The following SOCS7 variants were observed in gnomAD, a reference collection of about 807,000 sequenced individuals.
The protein encoded by SOCS7 is NAP-4.
SOCS7 carries 18 observed loss-of-function variants against 58.9 expected under a neutral mutation model. The ratio of observed to expected loss-of-function variants is 0.31; its 90% CI spans 0.21 to 0.45. SOCS7 has a LOEUF of 0.45. Ranked by LOEUF, SOCS7 falls within the 20% of genes least tolerant of loss-of-function variation. The pLI is 1.00. For synonymous variants in SOCS7, 388 were observed against 364.3 expected, an observed-to-expected ratio of 1.06 and a Z score of -0.74; for missense variants, 667 against 837.3, an observed-to-expected ratio of 0.80 and a Z score of 2.51.
At chr17:38,361,871 G>A in intron 2 of SOCS7, 96 bp downstream of exon 2, 3 of 843,416 alleles carry the variant, frequency 3.6e-6, no homozygotes, top group Non-Finnish European at 5.6e-6. Context: ...GGGAGCTGTA[G>A]GCGTGTCTGC....
chr17:38,387,818 A>G (rs1455203451), intron 7 of SOCS7, among the ~76,000 whole-genome samples: 8 of 140,204 alleles, frequency 5.7e-5, no homozygotes, highest in Non-Finnish European at 1.1e-4. Flanking sequence ...CACCCAGGCT[A>G]GAGTGCAGTG....
At chr17:38,387,604 A>G (rs373258332) in intron 7 of SOCS7, among the ~76,000 whole-genome samples, 3 of 97,914 alleles carry the variant, frequency 3.1e-5, no homozygotes, top group African/African-American at 6.7e-5. Context: ...TATATACACA[A>G]TATATTGTAT....
At chr17:38,389,900 C>CATATGT (rs1263290062) in intron 7 of SOCS7, among the ~76,000 whole-genome samples, 1 of 20,184 alleles carries the variant, frequency 5.0e-5, no homozygotes, top group African/African-American at 1.6e-4. Context: ...TATATATATA[C>CATATGT]ACATATAGAG....
chr17:38,368,885 T>C (rs979454807), intron 6 of SOCS7, among the ~76,000 whole-genome samples: 1 of 152,208 alleles, frequency 6.6e-6, no homozygotes, highest in African/African-American at 2.4e-5. Context: ...TTCATTAAAA[T>C]GTTGAGAGTT....
intron 1 of SOCS7, among the ~76,000 whole-genome samples, chr17:38,353,980 A>T (rs1044783492): frequency 6.6e-6 from 1 of 152,222 alleles, no homozygotes; most frequent in African/African-American, 2.4e-5. Flanking sequence ...AGTACCAGTA[A>T]GATATAGACA....
At chr17:38,370,884 T>C (rs2037854612) in intron 6 of SOCS7, among the ~76,000 whole-genome samples, 1 of 150,722 alleles carries the variant, frequency 6.6e-6, no homozygotes, top group South Asian at 2.1e-4. Context: ...CTCCTGACCT[T>C]GTGATCCGCC....
rs778179183 is a variant in SOCS7, at chr17:38,352,914, A to G, written c.862A>G (p.Asn288Asp). Residue 288 changes from asparagine (N) to aspartate (D), a missense_variant, in exon 1 of 10, where the codon AAC becomes GAC. Asn to Asp is a conservative substitution (Grantham distance 23). This residue lies in a region of SOCS7 where 208 missense variants were observed against 190.3 expected (regional missense o/e 1.09). Coordinates refer to ENST00000612932, the MANE Select transcript of SOCS7 (RefSeq NM_014598.4). This position sits in a 1 kb window ranked among gnomAD's most constrained non-coding sequence, Gnocchi z 5.5. ...LSRLFRTKSCNGGSGGGDGTG... is the reference protein window; with the variant it reads ...LSRLFRTKSCDGGSGGGDGTG... ...TCGCCTCTTTCGCACCAAGAGCTGC[A>G]ACGGTGGCTCCGGCGGTGGGGATGG... 9 of 1,606,894 alleles carry G rather than the reference A, an allele frequency of 5.6e-6. No homozygotes were observed. Among genetic ancestry groups the G allele is most frequent in the Non-Finnish European group, 7.6e-6 (9 of 1,177,790 alleles).
At chr17:38,389,098 G>T (rs980340975) in intron 7 of SOCS7, among the ~76,000 whole-genome samples, 1 of 152,124 alleles carries the variant, frequency 6.6e-6, no homozygotes, top group Non-Finnish European at 1.5e-5. Context: ...CCATCTTTTT[G>T]AATATAGCCA....
chr17:38,362,746 C>T (rs2037736455), intron 2 of SOCS7, among the ~76,000 whole-genome samples: 1 of 152,096 alleles, frequency 6.6e-6, no homozygotes, highest in African/African-American at 2.4e-5. Context: ...TACCCAAGCC[C>T]AGAATTAAAA....
intron 4 of SOCS7, 188 bp from the exon 5 acceptor site, chr17:38,366,099 C>T: frequency 8.1e-7 from 1 of 1,233,452 alleles, no homozygotes; most frequent in Non-Finnish European, 1.1e-6. Flanking sequence ...TCACAGCTTA[C>T]ACAAGCCCAC....
intron 7 of SOCS7, among the ~76,000 whole-genome samples, chr17:38,380,319 G>T (rs1327652590): frequency 6.6e-6 from 1 of 151,946 alleles, no homozygotes; most frequent in South Asian, 2.1e-4. Context: ...TCAAAGTTAG[G>T]TAATATAGAT....
At chr17:38,375,193 T>C (rs2037915486) in intron 6 of SOCS7, among the ~76,000 whole-genome samples, 1 of 152,180 alleles carries the variant, frequency 6.6e-6, no homozygotes. Context: ...AGACCCTGTT[T>C]CTAAAAATAG....
At chr17:38,375,854 T>C (rs1442658992) in intron 6 of SOCS7, 1 of 152,126 alleles carries the variant, frequency 6.6e-6, no homozygotes, top group African/African-American at 2.4e-5. Context: ...AGTTTCGCTC[T>C]TATTGCCCAG....
At position 38,389,884 on chromosome 17, in the gene SOCS7, TAC is replaced by T. The variant is rs1239542061; in HGVS notation, c.1682-5423_1682-5422del. On this transcript the variant is annotated intron_variant, in intron 7 of 9. Transcript: ENST00000612932. ...ATGTGTGTACATATATATATATATG[TAC>T]ATATATATATATACACATATAGAGA... Among the ~76,000 whole-genome samples, 32 of 97,106 alleles carry T rather than the reference TAC, an allele frequency of 3.3e-4. 3 individuals are homozygous for T. Among genetic ancestry groups the T allele is most frequent in the African/African-American group, 1.6e-3 (28 of 17,080 alleles). The allele number at this position is 97,106 out of a possible 152,430, so 63.7% of individuals were successfully genotyped here.
In SOCS7 at chr17:38,352,819, C is replaced by G; in HGVS notation, c.767C>G (p.Pro256Arg). 6.4e-7 allele frequency: 1 copy of G among 1,559,988 alleles called. No homozygotes were observed. Among genetic ancestry groups the G allele is most frequent in the Non-Finnish European group, 8.7e-7 (1 of 1,152,548 alleles). The change falls in exon 1 of 10, where the codon CCG becomes CGG. Residue 256 changes from proline to arginine, a missense_variant. Physicochemically the swap from Pro to Arg is moderately radical, Grantham distance 103. Coordinates refer to ENST00000612932, the MANE Select transcript of SOCS7 (RefSeq NM_014598.4). The surrounding 1 kb of genome is among the most constrained non-coding windows in gnomAD (Gnocchi z 5.5). ...QQQQQQPPPP[P>R]PPPGPLRPLA... ...CAGCAGCAGCAACCTCCCCCGCCCCCGCCTCCTCCCGGGCCCCTCCGGCCA... is the reference window on the plus strand; with the variant it reads ...CAGCAGCAGCAACCTCCCCCGCCCCGGCCTCCTCCCGGGCCCCTCCGGCCA...
In SOCS7 at chr17:38,404,620, C is replaced by CGA. The variant is rs1195373512; in HGVS notation, c.*5139_*5140insAG. 1 of 152,218 alleles carries CGA rather than the reference C, an allele frequency of 6.6e-6. No homozygotes were observed. The highest frequency in any genetic ancestry group is 2.4e-5 in the African/African-American group (1 of 41,438). 9.4% of individuals were successfully genotyped at this position (152,218 alleles called of 1,614,324 possible). A position where few individuals can be genotyped will look rare whatever the true frequency, so the allele number is the denominator to read the frequency against. Reference sequence around the variant, plus strand: ...TGTTTGGTTGCAGCTGGACTGCGATCGTAGTTCCTCCTGGAGATAGAGTGT... The same window carrying CGA: ...TGTTTGGTTGCAGCTGGACTGCGATCGAGTAGTTCCTCCTGGAGATAGAGTGT... On this transcript the variant is annotated 3_prime_UTR_variant, in exon 10 of 10. Transcript: ENST00000612932.
chr17:38,361,859 C>A, intron 2 of SOCS7, 84 bp downstream of exon 2: 1 of 957,584 alleles, frequency 1.0e-6, no homozygotes, highest in Non-Finnish European at 1.6e-6. Context: ...AGATGCATCA[C>A]AGGGAGCTGT....
intron 1 of SOCS7, among the ~76,000 whole-genome samples, chr17:38,360,612 T>C (rs587630692): frequency 3.5e-4 from 54 of 152,314 alleles, no homozygotes; most frequent in African/African-American, 1.3e-3. Flanking sequence ...CGATCTTGGC[T>C]CACTGCAAGC....
chr17:38,368,516 T>A (rs2037821345), intron 6 of SOCS7, among the ~76,000 whole-genome samples: 1 of 152,010 alleles, frequency 6.6e-6, no homozygotes, highest in Non-Finnish European at 1.5e-5. Flanking sequence ...CTTTTTTTTT[T>A]TTTGAGACAG....
Sources: gnomAD v4.1 joint callset for allele counts (sites outside exome capture counted in the v4.1 genomes callset) on GRCh38, gnomAD v4.1.1 for gene constraint, gnomAD v4.1.1 regional missense constraint, Gnocchi (gnomAD v3.1) non-coding constraint, MANE v1.5 for transcripts, NCBI Gene and HGNC (gene_info 2026-07-23, HGNC 2026-07-21) for gene names.